GALNT9: variants seen among roughly 807,000 people sequenced by gnomAD.
The protein encoded by GALNT9 is polypeptide N-acetylgalactosaminyltransferase 9, also known as GalNAc transferase 9.
Under a neutral mutation model 63.1 loss-of-function variants are expected in GALNT9, and 47 were observed. The ratio of observed to expected loss-of-function variants is 0.75; its 90% CI spans 0.59 to 0.95. GALNT9 has a LOEUF of 0.95. Among genes scored for constraint, GALNT9 ranks in the 40% least tolerant of loss-of-function variants. GALNT9 has a pLI of 0.00. For synonymous variants in GALNT9, 396 were observed against 365.7 expected (o/e 1.08, Z -0.94); for missense variants, 829 against 874.8 (o/e 0.95, Z 0.66).
intron 5 of GALNT9, 79 bp from the exon 6 acceptor site, chr12:132,248,106 C>T: frequency 5.4e-6 from 8 of 1,484,990 alleles, no homozygotes; most frequent in Non-Finnish European, 7.2e-6. Context: ...GCCAGGAAAG[C>T]CTGGAAGACC....
At chr12:132,304,457 G>A (rs868963385) in intron 1 of GALNT9, among the ~76,000 whole-genome samples, 90 of 30,680 alleles carry the variant, frequency 2.9e-3, no homozygotes, top group East Asian at 0.014. Flanking sequence ...CCTCGCCCGG[G>A]CACAGCCTCG....
intron 2 of GALNT9, among the ~76,000 whole-genome samples, chr12:132,285,436 C>T (rs1354735576): frequency 1.3e-5 from 2 of 152,250 alleles, no homozygotes; most frequent in Non-Finnish European, 1.5e-5. Flanking sequence ...TGGCGCTTGT[C>T]GCGGCTACTC....
At chr12:132,269,998 C>T (rs1174690152) in intron 2 of GALNT9, among the ~76,000 whole-genome samples, 2 of 152,252 alleles carry the variant, frequency 1.3e-5, no homozygotes, top group Non-Finnish European at 2.9e-5. Context: ...CCAGCTCTGT[C>T]TCAGGAGCCA....
intron 6 of GALNT9, among the ~76,000 whole-genome samples, chr12:132,244,082 G>A (rs1345953330): frequency 5.3e-5 from 8 of 150,180 alleles, no homozygotes; most frequent in Admixed American, 2.0e-4. Flanking sequence ...GCAGAGTGAG[G>A]CCTCGGGCCG....
In GALNT9 at chr12:132,315,180, C is replaced by T. The variant is rs118188463; in HGVS notation, c.238+13786G>A. On this transcript the variant is annotated intron_variant, in intron 1 of 10. Transcript: ENST00000328957. The surrounding 1 kb of genome is among the most constrained non-coding windows in gnomAD (Gnocchi z 6.1). ...ACATTTTAACCACAAGGCTCTGCAC[C>T]GAGCAACTAAGATAATCAGGGTGGC... Among the ~76,000 whole-genome samples the T allele has an allele frequency of 0.013, 1,930 of 152,180 alleles. 15 individuals are homozygous for T. Among genetic ancestry groups the T allele is most frequent in the Middle Eastern group, 0.017 (5 of 294 alleles).
chr12:132,205,046 CG>C (rs775812612), intron 6 of GALNT9, among the ~76,000 whole-genome samples: 10 of 152,126 alleles, frequency 6.6e-5, no homozygotes, highest in Non-Finnish European at 1.3e-4. Context: ...CAGGGGCGCA[CG>C]GGGTGGAGCC....
At position 132,236,326 on chromosome 12, in the gene GALNT9, G is replaced by A. The variant is rs2136894623; in HGVS notation, c.1077+11584C>T. Among the ~76,000 whole-genome samples, 1 of 151,886 alleles carries A rather than the reference G, an allele frequency of 6.6e-6. No homozygotes were observed. Among genetic ancestry groups the A allele is most frequent in the East Asian group, 1.9e-4 (1 of 5,144 alleles). On this transcript the variant is annotated intron_variant, in intron 6 of 10. Transcript: ENST00000328957. The surrounding 1 kb of genome is among the most constrained non-coding windows in gnomAD (Gnocchi z 5.6). ...GGGGTCGCGGTGGGCCTGGGTCGGG[G>A]CCAAGGGAGCCACATCCAGTGTGGG...
intron 1 of GALNT9, among the ~76,000 whole-genome samples, chr12:132,290,549 G>C (rs181324890): frequency 1.2e-4 from 17 of 141,396 alleles, no homozygotes; most frequent in East Asian, 6.6e-4. Flanking sequence ...CCCACATCCA[G>C]AGCACCCACG....
intron 1 of GALNT9, among the ~76,000 whole-genome samples, chr12:132,289,919 G>A (rs550147806): frequency 2.0e-5 from 3 of 152,312 alleles, no homozygotes; most frequent in African/African-American, 7.2e-5. Flanking sequence ...GAGCTCAGGG[G>A]TCCTGAGCCC....
rs1462308835 is a variant in GALNT9, at chr12:132,327,178, G to A, written c.238+1788C>T. Among the ~76,000 whole-genome samples, 1 of 151,752 alleles carries A rather than the reference G, an allele frequency of 6.6e-6. No homozygotes were observed. Among genetic ancestry groups the A allele is most frequent in the Non-Finnish European group, 1.5e-5 (1 of 67,970 alleles). On this transcript the variant is annotated intron_variant, in intron 1 of 10. Transcript: ENST00000328957. The surrounding 1 kb of genome is among the most constrained non-coding windows in gnomAD (Gnocchi z 4.3). ...GGACAGCTAGGATGAAGGAAAGAAG[G>A]AGAAACAATTTTAAAAGAAAGAAAG... is the stretch of plus-strand genomic sequence containing the variant.
intron 2 of GALNT9, chr12:132,276,273 C>A (rs73168810): frequency 0.026 from 4,061 of 154,896 alleles, 173 homozygotes; most frequent in African/African-American, 0.09. Context: ...ACGTGTGAAA[C>A]GGGAAGATGT....
intron 1 of GALNT9, among the ~76,000 whole-genome samples, chr12:132,313,974 CCACCCACCCAT>C (rs1282426676): frequency 3.0e-5 from 3 of 100,540 alleles, no homozygotes; most frequent in Non-Finnish European, 6.3e-5. Flanking sequence ...ATCCATCCAC[CCACCCACCCAT>C]CACCCACCCA....
chr12:132,303,189 G>A lies in GALNT9; in HGVS notation c.239-16759C>T, dbSNP rs146799872. Among the ~76,000 whole-genome samples the A allele has an allele frequency of 1.1e-4, 17 of 152,092 alleles. No homozygotes were observed. In the East Asian group the frequency reaches 1.4e-3, roughly 12 times the overall value. On this transcript the variant is annotated intron_variant, in intron 1 of 10. Transcript: ENST00000328957. ...GGTAGTCCCCGTCAGACCCTCCACC[G>A]CCGGGATGCAGTGACTGCCCAAGGC...
At chr12:132,262,272 G>A (rs1318763938) in intron 3 of GALNT9, among the ~76,000 whole-genome samples, 187 bp downstream of exon 3, 3 of 152,152 alleles carry the variant, frequency 2.0e-5, no homozygotes, top group African/African-American at 7.2e-5. Context: ...CACACACTGG[G>A]GACAGCACGT....
intron 10 of GALNT9, among the ~76,000 whole-genome samples, chr12:132,197,539 G>A (rs1304688280): frequency 2.0e-5 from 3 of 152,192 alleles, no homozygotes; most frequent in African/African-American, 7.2e-5. Context: ...GGCTGGAAGA[G>A]GCAGATGCAG....
At chr12:132,247,468 G>T in intron 6 of GALNT9, 1 of 386,088 alleles carries the variant, frequency 2.6e-6, no homozygotes, top group Non-Finnish European at 5.2e-6. Context: ...AGGGACCCTG[G>T]GAGCCTTGGC....
chr12:132,320,374 G>A (rs28698091), intron 1 of GALNT9, among the ~76,000 whole-genome samples: 21,749 of 152,222 alleles, frequency 0.14, 1,811 homozygotes, highest in South Asian at 0.24. Context: ...AGGCACAGAC[G>A]CCCCCACCTC....
chr12:132,216,636 C>A (rs139261984), intron 6 of GALNT9, among the ~76,000 whole-genome samples: 1 of 152,224 alleles, frequency 6.6e-6, no homozygotes, highest in Admixed American at 6.5e-5. Flanking sequence ...CTAAGATCTG[C>A]GTGCCCACGT....
chr12:132,303,654 T>C (rs377284904), intron 1 of GALNT9, among the ~76,000 whole-genome samples: 22 of 6,480 alleles, frequency 3.4e-3, no homozygotes, highest in African/African-American at 9.9e-3. Flanking sequence ...CACCCTCGCC[T>C]GGGCACACCC....
Sources: gnomAD v4.1 joint callset for allele counts (sites outside exome capture counted in the v4.1 genomes callset) on GRCh38, gnomAD v4.1.1 for gene constraint, Gnocchi (gnomAD v3.1) non-coding constraint, MANE v1.5 for transcripts, NCBI Gene and HGNC (gene_info 2026-07-23, HGNC 2026-07-21) for gene names.